The following BORCS5 variants were observed in gnomAD, a reference collection of about 807,000 sequenced individuals.
BORCS5 encodes BLOC-1-related complex subunit 5.
In BORCS5, 17 loss-of-function variants were observed where a neutral mutation model predicts 22.1. That is an observed-to-expected ratio of 0.77 (90% CI 0.53 to 1.15). The LOEUF (loss-of-function observed/expected upper bound fraction) is 1.15, where lower values mean the gene tolerates loss of function less well. BORCS5 is among the 50% of genes most tolerant of loss of function. The pLI is 0.00. For missense variants in BORCS5, 247 were observed against 253.2 expected, an observed-to-expected ratio of 0.98 and a Z score of 0.17; for synonymous variants, 117 against 99.8, an observed-to-expected ratio of 1.17 and a Z score of -1.03.
intron 2 of BORCS5, among the ~76,000 whole-genome samples, chr12:12,413,108 CTTTTT>C (rs140916578): frequency 0.042 from 853 of 20,552 alleles, 37 homozygotes; most frequent in African/African-American, 0.16. Flanking sequence ...GGTGATGACT[CTTTTT>C]TTTTTTTTTT....
intron 2 of BORCS5, among the ~76,000 whole-genome samples, chr12:12,421,723 T>G (rs1942126745): frequency 1.3e-5 from 2 of 152,250 alleles, no homozygotes; most frequent in Non-Finnish European, 2.9e-5. Flanking sequence ...TTGCCTCAAT[T>G]TCAGAGCCTA....
intron 2 of BORCS5, among the ~76,000 whole-genome samples, chr12:12,404,002 A>G (rs1941538119): frequency 6.6e-6 from 1 of 152,182 alleles, no homozygotes; most frequent in Non-Finnish European, 1.5e-5. Context: ...AGACTCTTCA[A>G]AAGGCTGAAG....
At chr12:12,463,498 G>A (rs1175888297) in intron 3 of BORCS5, among the ~76,000 whole-genome samples, 6 of 152,294 alleles carry the variant, frequency 3.9e-5, no homozygotes, top group African/African-American at 1.4e-4. Flanking sequence ...GAGGGGAGCT[G>A]CTGGACTTCG....
intron 1 of BORCS5, among the ~76,000 whole-genome samples, chr12:12,357,823 A>G (rs1863181391): frequency 6.6e-6 from 1 of 152,212 alleles, no homozygotes; most frequent in Non-Finnish European, 1.5e-5. Context: ...TGGCTGATGT[A>G]GTGAGATTTG....
intron 2 of BORCS5, among the ~76,000 whole-genome samples, chr12:12,396,264 G>A (rs1221619608): frequency 6.6e-6 from 1 of 151,326 alleles, no homozygotes; most frequent in Non-Finnish European, 1.5e-5. Flanking sequence ...TAGGATTACA[G>A]GTGTGAGCAA....
chr12:12,437,957 C>T (rs1035114026), intron 3 of BORCS5, among the ~76,000 whole-genome samples: 1 of 151,942 alleles, frequency 6.6e-6, no homozygotes. Flanking sequence ...TCAAACTCCT[C>T]AGCTCAAGCG....
At chr12:12,413,123 T>A (rs1318981989) in intron 2 of BORCS5, among the ~76,000 whole-genome samples, 1 of 94,350 alleles carries the variant, frequency 1.1e-5, no homozygotes, top group African/African-American at 5.9e-5. Context: ...TTTTTTTTTT[T>A]TTTTATTGAT....
At chr12:12,445,437 G>A (rs1942764600) in intron 3 of BORCS5, among the ~76,000 whole-genome samples, 1 of 75,742 alleles carries the variant, frequency 1.3e-5, no homozygotes, top group Admixed American at 1.3e-4. Flanking sequence ...GTGGTATTTT[G>A]TTTTAGCCTG....
chr12:12,406,472 C>T (rs922115117), intron 2 of BORCS5, among the ~76,000 whole-genome samples: 1 of 152,110 alleles, frequency 6.6e-6, no homozygotes, highest in African/African-American at 2.4e-5. Context: ...GCTAAGGAAC[C>T]CATGATGAGT....
At position 12,357,214 on chromosome 12, in the gene BORCS5, C is replaced by A; in HGVS notation, c.-238C>A. The A allele has an allele frequency of 6.7e-7, 1 of 1,487,090 alleles. No homozygotes were observed. Among genetic ancestry groups the A allele is most frequent in the Non-Finnish European group, 8.9e-7 (1 of 1,122,184 alleles). 92.1% of individuals were successfully genotyped at this position (1,487,090 alleles called of 1,614,324 possible). A position where few individuals can be genotyped will look rare whatever the true frequency, so the allele number is the denominator to read the frequency against. Reference sequence around the variant, plus strand: ...GGCTCCCGGAAAGAAGGAGGGCTAGCCGCGTGCGTTCGCGCCGCGCCTCCT... The same window carrying A: ...GGCTCCCGGAAAGAAGGAGGGCTAGACGCGTGCGTTCGCGCCGCGCCTCCT... On this transcript the variant is annotated 5_prime_UTR_variant, in exon 1 of 4. Coordinates refer to ENST00000314565, the MANE Select transcript of BORCS5 (RefSeq NM_058169.6).
intron 3 of BORCS5, among the ~76,000 whole-genome samples, chr12:12,437,325 T>C (rs1002682275): frequency 2.0e-5 from 3 of 152,238 alleles, no homozygotes; most frequent in African/African-American, 4.8e-5. Context: ...TTAGCTGTGA[T>C]TGTGATGCCT....
intron 2 of BORCS5, among the ~76,000 whole-genome samples, chr12:12,382,531 TA>T (rs1377038339): frequency 3.5e-5 from 5 of 144,730 alleles, no homozygotes; most frequent in African/African-American, 1.4e-4. Flanking sequence ...TGATGGTATA[TA>T]TCTTTTTTTT....
intron 3 of BORCS5, among the ~76,000 whole-genome samples, chr12:12,453,096 G>A (rs1417067785): frequency 6.6e-6 from 1 of 152,222 alleles, no homozygotes; most frequent in African/African-American, 2.4e-5. Flanking sequence ...AGGTCTTGAA[G>A]AAGGTGTCAG....
At position 12,393,461 on chromosome 12, in the gene BORCS5, T is replaced by C. The variant is rs1034573339; in HGVS notation, c.202+32112T>C. Among the ~76,000 whole-genome samples, 46 of 151,982 alleles carry C rather than the reference T, an allele frequency of 3.0e-4. 2 individuals carry two copies. The highest frequency in any genetic ancestry group is 1.1e-3 in the African/African-American group (44 of 41,294). ...AGCCAGTTTTCCCACACCCTATCCT[T>C]ATACAACTGGTTATTTTTCATCTAA... On this transcript the variant is annotated intron_variant, in intron 2 of 3. Transcript: ENST00000314565.
At chr12:12,415,611 C>A (rs546624909) in intron 2 of BORCS5, among the ~76,000 whole-genome samples, 7 of 130,742 alleles carry the variant, frequency 5.4e-5, no homozygotes, top group Non-Finnish European at 8.0e-5. Context: ...CTTTAGTCTT[C>A]TAATATAGGC....
chr12:12,420,427 C>T (rs1942084581), intron 2 of BORCS5, among the ~76,000 whole-genome samples: 1 of 152,112 alleles, frequency 6.6e-6, no homozygotes, highest in African/African-American at 2.4e-5. Context: ...GTACCAGTAC[C>T]ATGCTGTTTT....
chr12:12,464,201 G>GTTTTTT (rs35244701), intron 3 of BORCS5, among the ~76,000 whole-genome samples: 1 of 145,008 alleles, frequency 6.9e-6, no homozygotes, highest in African/African-American at 2.5e-5. Flanking sequence ...TCACTCCCAT[G>GTTTTTT]TTTTTTTTTT....
chr12:12,375,393 G>T (rs1386811521), intron 2 of BORCS5, among the ~76,000 whole-genome samples: 1 of 152,226 alleles, frequency 6.6e-6, no homozygotes, highest in Non-Finnish European at 1.5e-5. Context: ...GAAAGCTGAG[G>T]CAGGAGGATT....
rs1168097708 is a variant in BORCS5, at chr12:12,414,041, C to T, written c.203-21587C>T. Among the ~76,000 whole-genome samples the T allele has an allele frequency of 5.3e-3, 394 of 74,302 alleles. 4 individuals carry two copies. The highest frequency in any genetic ancestry group is 6.5e-3 in the Non-Finnish European group (235 of 36,324). The allele number at this position is 74,302 out of a possible 152,430, so 48.7% of individuals were successfully genotyped here. A position where few individuals can be genotyped will look rare whatever the true frequency, so the allele number is the denominator to read the frequency against. On this transcript the variant is annotated intron_variant, in intron 2 of 3. Coordinates refer to ENST00000314565, the MANE Select transcript of BORCS5 (RefSeq NM_058169.6). ...GGCCCCCCTCACCTCCTGGACGGGG[C>T]GGCTGGCCAGGCGGGGGGCTGATCC...
Sources: allele counts gnomAD v4.1 joint callset (sites outside exome capture counted in the v4.1 genomes callset), GRCh38; gene constraint gnomAD v4.1.1; transcripts MANE v1.5; gene names NCBI Gene and HGNC (gene_info 2026-07-23, HGNC 2026-07-21).